The following PCSK2 variants were observed in gnomAD, a reference collection of about 807,000 sequenced individuals.
PCSK2 encodes the protein neuroendocrine convertase 2.
Under a neutral mutation model 69.7 loss-of-function variants are expected in PCSK2, and 14 were observed. That is an observed-to-expected ratio of 0.20 (90% CI 0.13 to 0.31). The LOEUF (loss-of-function observed/expected upper bound fraction) is 0.31, where lower values mean the gene tolerates loss of function less well. Ranked by LOEUF, PCSK2 falls within the 10% of genes least tolerant of loss-of-function variation. The pLI, the probability that PCSK2 is intolerant of heterozygous loss-of-function variation, is 1.00. For missense variants in PCSK2, 544 were observed against 842.5 expected, an observed-to-expected ratio of 0.65 and a Z score of 4.39; for synonymous variants, 307 against 320.7, an observed-to-expected ratio of 0.96 and a Z score of 0.46.
chr20:17,410,571 T>C (rs1395996911), intron 6 of PCSK2, among the ~76,000 whole-genome samples: 2 of 152,220 alleles, frequency 1.3e-5, no homozygotes, highest in Non-Finnish European at 2.9e-5. Context: ...GATAGCACAA[T>C]TCATTCTCTA....
At chr20:17,444,391 T>C (rs1295887389) in intron 8 of PCSK2, among the ~76,000 whole-genome samples, 1 of 152,244 alleles carries the variant, frequency 6.6e-6, no homozygotes, top group African/African-American at 2.4e-5. Flanking sequence ...CCTTAGGGAT[T>C]TGAAGTTTGC....
intron 2 of PCSK2, among the ~76,000 whole-genome samples, chr20:17,334,769 G>A (rs951679262): frequency 1.3e-5 from 2 of 152,188 alleles, no homozygotes; most frequent in Non-Finnish European, 2.9e-5. Flanking sequence ...GCCTGGGATG[G>A]AAATCTGCGC....
At position 17,371,691 on chromosome 20, in the gene PCSK2, G is replaced by T. The variant is rs2030768862; in HGVS notation, c.543+2414G>T. 2.6e-5 allele frequency among the ~76,000 whole-genome samples: 4 copies of T among 151,972 alleles called. No individual in the cohort carries two copies. The South Asian group carries it at 6.2e-4, about 24-fold the overall frequency. On this transcript the variant is annotated intron_variant, in intron 5 of 11. Transcript: ENST00000262545. ...TTTTTAATGAAATTGAGCTCTTATT[G>T]CATATTCTTCCCTTCTGCTTGATGT...
At chr20:17,236,139 T>C (rs1415351375) in intron 1 of PCSK2, among the ~76,000 whole-genome samples, 2 of 152,110 alleles carry the variant, frequency 1.3e-5, no homozygotes, top group African/African-American at 2.4e-5. Flanking sequence ...AAGAGAGATA[T>C]ATAAATTGTT....
chr20:17,326,942 T>G (rs879203630), intron 2 of PCSK2, among the ~76,000 whole-genome samples: 1 of 152,194 alleles, frequency 6.6e-6, no homozygotes, highest in Non-Finnish European at 1.5e-5. Context: ...AGCCTCCCTT[T>G]GGGCTCCTTC....
intron 2 of PCSK2, among the ~76,000 whole-genome samples, chr20:17,287,809 C>T (rs186348615): frequency 4.7e-4 from 71 of 152,336 alleles, no homozygotes; most frequent in African/African-American, 1.7e-3. Context: ...GGGAGCCTTC[C>T]TAAGCCCCTG....
At chr20:17,315,170 C>T (rs571668453) in intron 2 of PCSK2, among the ~76,000 whole-genome samples, 7 of 152,216 alleles carry the variant, frequency 4.6e-5, no homozygotes, top group African/African-American at 1.7e-4. Context: ...GACTAATTCC[C>T]GCTCTGATGC....
chr20:17,409,722 C>A (rs2123303638), intron 6 of PCSK2, among the ~76,000 whole-genome samples: 1 of 152,268 alleles, frequency 6.6e-6, no homozygotes, highest in East Asian at 1.9e-4. Context: ...TTTTGAAAAG[C>A]ATTCTGTACG....
At chr20:17,301,066 G>A (rs374454863) in intron 2 of PCSK2, among the ~76,000 whole-genome samples, 240 of 152,222 alleles carry the variant, frequency 1.6e-3, no homozygotes, top group African/African-American at 5.2e-3. Context: ...TCAAGAGTGG[G>A]GTGTCGTTGT....
At chr20:17,402,150 C>G (rs925569715) in intron 5 of PCSK2, among the ~76,000 whole-genome samples, 2 of 152,152 alleles carry the variant, frequency 1.3e-5, no homozygotes, top group Non-Finnish European at 2.9e-5. Context: ...CTCCTTCCTG[C>G]AATACAGCTG....
At position 17,483,157 on chromosome 20, in the gene PCSK2, C is replaced by T. The variant is rs1224241570; in HGVS notation, c.*1087C>T. The T allele has an allele frequency of 6.6e-6, 1 of 151,992 alleles. No homozygotes were observed. The highest frequency in any genetic ancestry group is 1.5e-5 in the Non-Finnish European group (1 of 68,014). 9.4% of individuals were successfully genotyped at this position (151,992 alleles called of 1,614,324 possible). A position where few individuals can be genotyped will look rare whatever the true frequency, so the allele number is the denominator to read the frequency against. Reference sequence around the variant, plus strand: ...TGTGTTGGGAAAAAGGCCTCTGTCCCGGAAGAGTCATGGGAGGTGAAAGGG... The same window carrying T: ...TGTGTTGGGAAAAAGGCCTCTGTCCTGGAAGAGTCATGGGAGGTGAAAGGG... On this transcript the variant is annotated 3_prime_UTR_variant, in exon 12 of 12. Transcript: ENST00000262545.
At chr20:17,313,424 C>T (rs1218082911) in intron 2 of PCSK2, among the ~76,000 whole-genome samples, 5 of 152,086 alleles carry the variant, frequency 3.3e-5, no homozygotes, top group African/African-American at 9.7e-5. Flanking sequence ...CCAGAAGAGA[C>T]CCCCAAGAGC....
At chr20:17,233,492 C>T (rs1600395159) in intron 1 of PCSK2, among the ~76,000 whole-genome samples, 2 of 151,996 alleles carry the variant, frequency 1.3e-5, no homozygotes, top group African/African-American at 4.8e-5. Flanking sequence ...TAGTCATGAC[C>T]CATGAGATGA....
At position 17,347,957 on chromosome 20, in the gene PCSK2, A is replaced by C. The variant is rs547465630; in HGVS notation, c.283-10370A>C. Among the ~76,000 whole-genome samples, 3 of 43,002 alleles carry C rather than the reference A, an allele frequency of 7.0e-5. 1 individual carries two copies. The highest frequency in any genetic ancestry group is 1.9e-4 in the African/African-American group (3 of 15,590). 28.2% of individuals were successfully genotyped at this position (43,002 alleles called of 152,430 possible). A position where few individuals can be genotyped will look rare whatever the true frequency, so the allele number is the denominator to read the frequency against. The stretch of plus-strand genomic sequence containing the variant: ...AAGAGAAAGAAAGAAAGAAAGAAAG[A>C]AAGAGAAAGAAAGAAAGAAAGAAAG... On this transcript the variant is annotated intron_variant, in intron 2 of 11. Coordinates refer to ENST00000262545, the MANE Select transcript of PCSK2 (RefSeq NM_002594.5).
chr20:17,403,267 T>C (rs994027902), intron 5 of PCSK2, among the ~76,000 whole-genome samples: 1 of 152,244 alleles, frequency 6.6e-6, no homozygotes, highest in African/African-American at 2.4e-5. Flanking sequence ...GCTGAAGAAA[T>C]GTTAAATTTC....
intron 2 of PCSK2, among the ~76,000 whole-genome samples, chr20:17,337,664 G>C (rs1394508763): frequency 6.6e-6 from 1 of 152,086 alleles, no homozygotes; most frequent in Non-Finnish European, 1.5e-5. Flanking sequence ...AGTGACTCAG[G>C]CCCGTATCAC....
chr20:17,365,230 C>T (rs543035123), intron 4 of PCSK2, among the ~76,000 whole-genome samples: 3 of 152,234 alleles, frequency 2.0e-5, no homozygotes, highest in Admixed American at 2.0e-4. Context: ...ACAAACACTG[C>T]GTCCTCCCCT....
intron 5 of PCSK2, among the ~76,000 whole-genome samples, chr20:17,387,346 T>G (rs904493939): frequency 6.6e-6 from 1 of 152,132 alleles, no homozygotes; most frequent in African/African-American, 2.4e-5. Flanking sequence ...TTTCACACCG[T>G]TTTTATGAGT....
intron 9 of PCSK2, 85 bp downstream of exon 9, chr20:17,454,042 C>T: frequency 1.3e-6 from 2 of 1,544,096 alleles, no homozygotes; most frequent in South Asian, 1.2e-5. Flanking sequence ...TGGCTTGCTC[C>T]CCTCCTGTCC....
Sources: gnomAD v4.1 joint callset for allele counts (sites outside exome capture counted in the v4.1 genomes callset) on GRCh38, gnomAD v4.1.1 for gene constraint, MANE v1.5 for transcripts, NCBI Gene and HGNC (gene_info 2026-07-23, HGNC 2026-07-21) for gene names.